CALCB: variants seen among roughly 807,000 people sequenced by gnomAD.
The protein encoded by CALCB is calcitonin gene-related peptide 2.
In CALCB, 8 loss-of-function variants were observed where a neutral mutation model predicts 10.7. That is an observed-to-expected ratio of 0.75 (90% CI 0.44 to 1.34). The LOEUF (loss-of-function observed/expected upper bound fraction) is 1.34. Ranked by LOEUF, CALCB falls within the 40% of genes most tolerant of loss-of-function variation. The probability of loss-of-function intolerance (pLI) is 0.01; values close to 1 mark genes in which losing one functional copy is unlikely to be tolerated. For missense variants in CALCB, 176 were observed against 162.5 expected (o/e 1.08, Z -0.45); for synonymous variants, 76 against 66.9 (o/e 1.14, Z -0.66).
chr11:15,075,237 C>G (rs968250798), intron 3 of CALCB, 39 bp downstream of exon 3: 12 of 1,613,142 alleles, frequency 7.4e-6, no homozygotes, highest in South Asian at 2.2e-5. Flanking sequence ...GACTCCTCTC[C>G]CCGCAGCATA....
At position 15,077,478 on chromosome 11, in the gene CALCB, C is replaced by T; in HGVS notation, c.*25+8C>T. Reference sequence around the variant, plus strand: ...AATGACTCCAGGAAGAAGGTAACTACCCTAATGCTATGGGATAAGAGGGGG... The same window carrying T: ...AATGACTCCAGGAAGAAGGTAACTATCCTAATGCTATGGGATAAGAGGGGG... On this transcript the variant is annotated splice_region_variant and intron_variant, in intron 4 of 4. Transcript: ENST00000324229. 1 of 1,612,544 alleles carries T rather than the reference C, an allele frequency of 6.2e-7. No homozygotes were observed. Among genetic ancestry groups the T allele is most frequent in the East Asian group, 2.2e-5 (1 of 44,858 alleles).
chr11:15,074,718 C>T lies in CALCB; in HGVS notation c.-1C>T. 1 of 1,613,352 alleles carries T rather than the reference C, an allele frequency of 6.2e-7. No individual in the cohort carries two copies. Among genetic ancestry groups the T allele is most frequent in the Non-Finnish European group, 8.5e-7 (1 of 1,179,382 alleles). The stretch of plus-strand genomic sequence containing the variant: ...TCATCCTTCCTTTACAGAGAGGCGG[C>T]ATGGGTTTCCGGAAGTTCTCCCCCT... On this transcript the variant is annotated 5_prime_UTR_variant, in exon 2 of 5. Transcript: ENST00000324229.
In CALCB at chr11:15,077,499, G is replaced by A. The variant is rs1044766944; in HGVS notation, c.*25+29G>A. 9.4e-6 allele frequency: 15 copies of A among 1,602,966 alleles called. No individual in the cohort carries two copies. The African/African-American group carries it at 1.9e-4, about 20-fold the overall frequency. On this transcript the variant is annotated intron_variant, in intron 4 of 4. Transcript: ENST00000324229. ...ACTACCCTAATGCTATGGGATAAGAGGGGGAAGGGACTTGGAGTTAAAACC... is the reference window on the plus strand; with the variant it reads ...ACTACCCTAATGCTATGGGATAAGAAGGGGAAGGGACTTGGAGTTAAAACC...
Position 15,078,149 on chromosome 11 carries a change from C to T in CALCB, c.*92C>T, listed in dbSNP as rs12274674. 0.23 allele frequency: 34,858 copies of T among 151,982 alleles called. 4,718 individuals carry two copies. Among genetic ancestry groups the T allele is most frequent in the Admixed American group, 0.37 (5,692 of 15,280 alleles). 9.4% of individuals were successfully genotyped at this position (151,982 alleles called of 1,614,324 possible). A position where few individuals can be genotyped will look rare whatever the true frequency, so the allele number is the denominator to read the frequency against. On this transcript the variant is annotated 3_prime_UTR_variant, in exon 5 of 5. Coordinates refer to ENST00000324229, the MANE Select transcript of CALCB (RefSeq NM_000728.4). Reference sequence around the variant, plus strand: ...TGGTAAGAACTTGGTGAGAATGCCCCGTGGAAGATACACATGTTTGCATCC... The same window carrying T: ...TGGTAAGAACTTGGTGAGAATGCCCTGTGGAAGATACACATGTTTGCATCC...
Position 15,075,145 on chromosome 11 carries a change from T to C in CALCB, c.171T>C (p.Tyr57=), listed in dbSNP as rs775832606. ...RLLLAALVQD[Y]VQMKASELKQ... ...TGCTGGCTGCACTGGTGCAGGACTA[T>C]GTGCAGATGAAGGCCAGTGAGCTGA... is the stretch of plus-strand genomic sequence containing the variant. Residue 57 remains tyrosine (Y), a synonymous_variant, in exon 3 of 5, where the codon TAT becomes TAC. Coordinates refer to ENST00000324229, the MANE Select transcript of CALCB (RefSeq NM_000728.4). 26 of 1,614,174 alleles carry C rather than the reference T, an allele frequency of 1.6e-5. No homozygotes were observed. Among genetic ancestry groups the C allele is most frequent in the Non-Finnish European group, 1.9e-5 (22 of 1,180,006 alleles).
chr11:15,075,088 G>A lies in CALCB; in HGVS notation c.114G>A (p.Pro38=), dbSNP rs1377497958. The part of the protein sequence containing the change: ...FRSALESSPD[P]ATLSKEDARL... The stretch of plus-strand genomic sequence containing the variant: ...CTGCCCTGGAGAGCAGCCCAGACCC[G>A]GCCACACTCAGTAAAGAGGACGCGC... Residue 38 remains proline, a synonymous_variant, in exon 3 of 5, where the codon CCG becomes CCA. Coordinates refer to ENST00000324229, the MANE Select transcript of CALCB (RefSeq NM_000728.4). The A allele has an allele frequency of 6.2e-7, 1 of 1,614,052 alleles. No homozygotes were observed. Among genetic ancestry groups the A allele is most frequent in the African/African-American group, 1.3e-5 (1 of 74,918 alleles).
chr11:15,076,172 T>A (rs3829222), intron 3 of CALCB, among the ~76,000 whole-genome samples: 106,680 of 152,140 alleles, frequency 0.7, 37,658 homozygotes, highest in East Asian at 0.82. Flanking sequence ...CCTTGCAGCT[T>A]GAGCAGTCCT....
intron 2 of CALCB, 122 bp from the exon 3 acceptor site, chr11:15,074,939 C>T: frequency 7.0e-7 from 1 of 1,429,378 alleles, no homozygotes; most frequent in Non-Finnish European, 9.8e-7. Context: ...TGCCCGTCCC[C>T]TGGGAGTCGC....
intron 3 of CALCB, among the ~76,000 whole-genome samples, chr11:15,076,505 G>A (rs975764622): frequency 1.3e-5 from 2 of 152,174 alleles, no homozygotes; most frequent in African/African-American, 2.4e-5. Flanking sequence ...ACCTCAGGAT[G>A]GAAGGGAAGA....
At position 15,074,778 on chromosome 11, in the gene CALCB, G is replaced by C; in HGVS notation, c.60G>C (p.Ala20=). 4 of 1,613,950 alleles carry C rather than the reference G, an allele frequency of 2.5e-6. No individual in the cohort carries two copies. Among genetic ancestry groups the C allele is most frequent in the Non-Finnish European group, 3.4e-6 (4 of 1,179,954 alleles). ...TCAGTATCTTGGTCCTGTACCAGGCGGGCAGCCTCCAGGCGGCGCCATTCA... is the reference window on the plus strand; with the variant it reads ...TCAGTATCTTGGTCCTGTACCAGGCCGGCAGCCTCCAGGCGGCGCCATTCA... ...LALSILVLYQ[A]GSLQAAPFRS... The change falls in exon 2 of 5, where the codon GCG becomes GCC. Residue 20 remains alanine, a synonymous_variant. Transcript: ENST00000324229.
intron 1 of CALCB, among the ~76,000 whole-genome samples, chr11:15,073,878 C>T (rs1309211456): frequency 6.6e-6 from 1 of 152,240 alleles, no homozygotes; most frequent in Non-Finnish European, 1.5e-5. Flanking sequence ...CCCAAGCATC[C>T]CCATGGCTCA....
Position 15,075,117 on chromosome 11 carries a change from T to C in CALCB, c.143T>C (p.Leu48Pro), listed in dbSNP as rs1264892328. 6.2e-7 allele frequency: 1 copy of C among 1,614,152 alleles called. No individual in the cohort carries two copies. Among genetic ancestry groups the C allele is most frequent in the Non-Finnish European group, 8.5e-7 (1 of 1,180,008 alleles). ...PATLSKEDAR[L>P]LLAALVQDYV... ...ACACTCAGTAAAGAGGACGCGCGCC[T>C]CCTGCTGGCTGCACTGGTGCAGGAC... The change falls in exon 3 of 5, where the codon CTC becomes CCC. Residue 48 changes from leucine (L) to proline (P), a missense_variant. Leu to Pro is a moderately conservative substitution (Grantham distance 98). Coordinates refer to ENST00000324229, the MANE Select transcript of CALCB (RefSeq NM_000728.4).
Position 15,075,140 on chromosome 11 carries a change from G to T in CALCB, c.166G>T (p.Asp56Tyr). ...ARLLLAALVQ[D>Y]YVQMKASELK... ...CCTCCTGCTGGCTGCACTGGTGCAG[G>T]ACTATGTGCAGATGAAGGCCAGTGA... The change falls in exon 3 of 5, where the codon GAC becomes TAC. Residue 56 changes from aspartate to tyrosine, a missense_variant. Physicochemically the swap from Asp to Tyr is radical, Grantham distance 160. Coordinates refer to ENST00000324229, the MANE Select transcript of CALCB (RefSeq NM_000728.4). 6.2e-7 allele frequency: 1 copy of T among 1,614,214 alleles called. No homozygotes were observed. Among genetic ancestry groups the T allele is most frequent in the Non-Finnish European group, 8.5e-7 (1 of 1,180,036 alleles).
chr11:15,075,310 T>C (rs1267681297), intron 3 of CALCB, 112 bp downstream of exon 3: 2 of 1,560,262 alleles, frequency 1.3e-6, no homozygotes, highest in Non-Finnish European at 1.7e-6. Flanking sequence ...AGCAAGCTGA[T>C]TTGTCCAGCA....
At position 15,078,369 on chromosome 11, in the gene CALCB, CA is replaced by C. The variant is rs548894106; in HGVS notation, c.*315del. Reference sequence around the variant, plus strand: ...CATCCTGTTGATCATGCAGCTCCACCAAACCTTAGGGGGACGTGAAATCACT... The same window carrying C: ...CATCCTGTTGATCATGCAGCTCCACCAACCTTAGGGGGACGTGAAATCACT... On this transcript the variant is annotated 3_prime_UTR_variant, in exon 5 of 5. Coordinates refer to ENST00000324229, the MANE Select transcript of CALCB (RefSeq NM_000728.4). The C allele has an allele frequency of 6.6e-6, 1 of 152,170 alleles. No homozygotes were observed. The highest frequency in any genetic ancestry group is 1.5e-5 in the Non-Finnish European group (1 of 68,034). The allele number at this position is 152,170 out of a possible 1,614,324, so 9.4% of individuals were successfully genotyped here. A position where few individuals can be genotyped will look rare whatever the true frequency, so the allele number is the denominator to read the frequency against.
At position 15,075,051 on chromosome 11, in the gene CALCB, C is replaced by T; in HGVS notation, c.87-10C>T. 1 of 1,614,210 alleles carries T rather than the reference C, an allele frequency of 6.2e-7. No homozygotes were observed. On this transcript the variant is annotated splice_polypyrimidine_tract_variant and intron_variant, in intron 2 of 4. Coordinates refer to ENST00000324229, the MANE Select transcript of CALCB (RefSeq NM_000728.4). ...TCACAGCCTGCAAGGAGTTTGCTTC[C>T]CTTCCACAGGTCTGCCCTGGAGAGC... is the stretch of plus-strand genomic sequence containing the variant.
chr11:15,073,696 T>TC (rs1415166208), intron 1 of CALCB, 33 bp downstream of exon 1: 4 of 152,396 alleles, frequency 2.6e-5, no homozygotes, highest in Non-Finnish European at 5.9e-5. Flanking sequence ...TTCCGCTCAC[T>TC]CGAATAACCT....
intron 3 of CALCB, 40 bp downstream of exon 3, chr11:15,075,238 C>T (rs2133640747): frequency 6.2e-7 from 1 of 1,613,062 alleles, no homozygotes; most frequent in Non-Finnish European, 8.5e-7. Flanking sequence ...ACTCCTCTCC[C>T]CGCAGCATAC....
At chr11:15,077,595 G>A (rs900346202) in intron 4 of CALCB, 125 bp downstream of exon 4, 1 of 943,154 alleles carries the variant, frequency 1.1e-6, no homozygotes, top group Non-Finnish European at 1.6e-6. Context: ...TTCCTCCTGA[G>A]GCAGTGAGTT....
Sources: allele counts gnomAD v4.1 joint callset (sites outside exome capture counted in the v4.1 genomes callset), GRCh38; gene constraint gnomAD v4.1.1; transcripts MANE v1.5; gene names NCBI Gene and HGNC (gene_info 2026-07-23, HGNC 2026-07-21).